AFG2A: variants seen among roughly 807,000 people sequenced by gnomAD.
The protein encoded by AFG2A is AAA ATPase AFG2A.
At chr4:122,990,586 A>G in the AFG2A span, among the ~76,000 whole-genome samples, 7 of 148,376 alleles carry the variant, frequency 4.7e-5, no homozygotes, top group Non-Finnish European at 9.0e-5. Flanking sequence ...TTTGTTTTCA[A>G]TTTTTTTTTT....
At chr4:123,036,962 C>G in the AFG2A span, among the ~76,000 whole-genome samples, 1 of 152,136 alleles carries the variant, frequency 6.6e-6, no homozygotes, top group Middle Eastern at 3.4e-3. Context: ...TTCCTTTACT[C>G]ACATTACATA....
At chr4:123,243,115 G>C in the AFG2A span, among the ~76,000 whole-genome samples, 1 of 152,228 alleles carries the variant, frequency 6.6e-6, no homozygotes, top group Non-Finnish European at 1.5e-5. Flanking sequence ...TGGAGAGGAT[G>C]TGGAGAAGTA....
chr4:122,933,540 CA>C, the AFG2A span: 1 of 1,525,198 alleles, frequency 6.6e-7, no homozygotes, highest in Non-Finnish European at 9.1e-7. Context: ...TTTTAAGCTG[CA>C]AGGCATCAGC....
At chr4:123,252,933 T>C in the AFG2A span, among the ~76,000 whole-genome samples, 1 of 152,216 alleles carries the variant, frequency 6.6e-6, no homozygotes, top group Non-Finnish European at 1.5e-5. Flanking sequence ...ATGCACATTG[T>C]TGAGTGTTCA....
chr4:122,932,207 G>A, the AFG2A span, among the ~76,000 whole-genome samples: 1 of 151,860 alleles, frequency 6.6e-6, no homozygotes. Flanking sequence ...CCTGTGAGGT[G>A]GAGGTTGCAG....
the AFG2A span, among the ~76,000 whole-genome samples, chr4:123,121,902 G>A: frequency 6.6e-6 from 1 of 152,150 alleles, no homozygotes; most frequent in Admixed American, 6.5e-5. Context: ...AAAAAGATGA[G>A]TGTATTCAAG....
At chr4:122,935,758 A>G in the AFG2A span, 15 of 1,612,494 alleles carry the variant, frequency 9.3e-6, no homozygotes, top group Non-Finnish European at 1.3e-5. Flanking sequence ...TCCTCCAGGT[A>G]CTGGAAAAAC....
At chr4:123,112,446 G>T in the AFG2A span, among the ~76,000 whole-genome samples, 2 of 152,204 alleles carry the variant, frequency 1.3e-5, no homozygotes, top group African/African-American at 2.4e-5. Flanking sequence ...TCTATCTCAA[G>T]CAGAAATGCT....
the AFG2A span, among the ~76,000 whole-genome samples, chr4:123,024,227 C>CAAAAAAAA: frequency 8.1e-6 from 1 of 123,664 alleles, no homozygotes; most frequent in East Asian, 2.3e-4. Context: ...AGACTATAAG[C>CAAAAAAAA]AAAAAAAAAA....
the AFG2A span, among the ~76,000 whole-genome samples, chr4:123,198,768 A>T: frequency 1.3e-5 from 2 of 152,294 alleles, no homozygotes; most frequent in East Asian, 3.9e-4. Flanking sequence ...CTTTGCTAAA[A>T]TTGACCTGCA....
chr4:123,002,511 ATC>A, the AFG2A span, among the ~76,000 whole-genome samples: 4 of 151,774 alleles, frequency 2.6e-5, no homozygotes, highest in African/African-American at 9.7e-5. Context: ...TGGTGACAAA[ATC>A]TCTCAGCATT....
At chr4:122,992,589 A>G in the AFG2A span, among the ~76,000 whole-genome samples, 1 of 152,244 alleles carries the variant, frequency 6.6e-6, no homozygotes, top group South Asian at 2.1e-4. Flanking sequence ...AAAAAATAGT[A>G]TAGTGGGCAT....
chr4:123,013,337 T>C, the AFG2A span, among the ~76,000 whole-genome samples: 1 of 152,224 alleles, frequency 6.6e-6, no homozygotes. Flanking sequence ...TGGCTTAGCT[T>C]GGGCTTAGAG....
chr4:123,281,401 A>T, the AFG2A span, among the ~76,000 whole-genome samples: 1 of 152,184 alleles, frequency 6.6e-6, no homozygotes, highest in East Asian at 1.9e-4. Flanking sequence ...CATTTGGGGT[A>T]TTAAACCTGA....
At chr4:123,152,199 C>G in the AFG2A span, among the ~76,000 whole-genome samples, 1 of 152,096 alleles carries the variant, frequency 6.6e-6, no homozygotes, top group Non-Finnish European at 1.5e-5. Flanking sequence ...CTGATGGGTG[C>G]AGCAAACCCA....
At chr4:123,073,165 C>T in the AFG2A span, among the ~76,000 whole-genome samples, 23 of 150,004 alleles carry the variant, frequency 1.5e-4, no homozygotes, top group Admixed American at 1.5e-3. Flanking sequence ...AACATGAATT[C>T]CTATTCTTTT....
At chr4:122,960,539 C>T in the AFG2A span, among the ~76,000 whole-genome samples, 2 of 152,130 alleles carry the variant, frequency 1.3e-5, no homozygotes, top group Non-Finnish European at 2.9e-5. Context: ...ATTTGCTTTG[C>T]GTCTCTAAGA....
At chr4:122,960,521 A>C in the AFG2A span, among the ~76,000 whole-genome samples, 1 of 152,148 alleles carries the variant, frequency 6.6e-6, no homozygotes, top group Non-Finnish European at 1.5e-5. Context: ...TTTATGGTGA[A>C]AGGAAGTATT....
chr4:123,017,249 GGAGAGCGAGAGC>G, the AFG2A span, among the ~76,000 whole-genome samples: 3,048 of 133,388 alleles, frequency 0.023, 75 homozygotes, highest in South Asian at 0.13. Flanking sequence ...AGAGGGAGAG[GGAGAGCGAGAGC>G]GAGAGCGAGA....
Sources: gnomAD v4.1 joint callset for allele counts (sites outside exome capture counted in the v4.1 genomes callset) on GRCh38, gnomAD v4.1.1 for gene constraint, MANE v1.5 for transcripts, NCBI Gene and HGNC (gene_info 2026-07-23, HGNC 2026-07-21) for gene names.